The following CSRP2 variants were observed in gnomAD, a reference collection of about 807,000 sequenced individuals.
The protein encoded by CSRP2 is cysteine and glycine rich protein 2, also known as cysteine and glycine-rich protein 2.
Under a neutral mutation model 24.6 loss-of-function variants are expected in CSRP2, and 18 were observed. The ratio of observed to expected loss-of-function variants is 0.73; its 90% CI spans 0.51 to 1.09. CSRP2 has a LOEUF of 1.09. Ranked by LOEUF, CSRP2 falls within the 50% of genes least tolerant of loss-of-function variation. CSRP2 has a pLI of 0.00. For missense variants in CSRP2, 215 were observed against 239.4 expected, an observed-to-expected ratio of 0.90 and a Z score of 0.67; for synonymous variants, 87 against 84.3, an observed-to-expected ratio of 1.03 and a Z score of -0.18.
chr12:76,871,493 G>A (rs778044724), intron 1 of CSRP2, among the ~76,000 whole-genome samples: 15 of 152,296 alleles, frequency 9.8e-5, no homozygotes, highest in South Asian at 2.1e-4. Flanking sequence ...AGTTCAAGCC[G>A]GATGCGGTGG....
intron 2 of CSRP2, among the ~76,000 whole-genome samples, chr12:76,865,428 A>G (rs1463218894): frequency 1.3e-5 from 2 of 152,168 alleles, no homozygotes; most frequent in African/African-American, 4.8e-5. Flanking sequence ...GTTGTCTGCA[A>G]AGCAGTTTAG....
intron 1 of CSRP2, among the ~76,000 whole-genome samples, chr12:76,867,332 T>TAAA (rs33997080): frequency 1.0e-5 from 1 of 100,162 alleles, no homozygotes; most frequent in Non-Finnish European, 1.9e-5. Flanking sequence ...CTGCTAAATT[T>TAAA]AAAAAAAAAA....
chr12:76,876,557 A>C (rs1283562022), intron 1 of CSRP2, among the ~76,000 whole-genome samples: 1 of 152,170 alleles, frequency 6.6e-6, no homozygotes, highest in Admixed American at 6.5e-5. Flanking sequence ...CGTCATTTTG[A>C]GAAGGGGTCT....
At chr12:76,862,666 GT>G (rs1953694075) in intron 3 of CSRP2, 2 of 1,112,886 alleles carry the variant, frequency 1.8e-6, no homozygotes, top group South Asian at 5.8e-5. Flanking sequence ...AGCCTTTAAA[GT>G]TTAACACTAC....
intron 2 of CSRP2, chr12:76,863,569 G>A (rs943252267): frequency 2.3e-6 from 1 of 444,164 alleles, no homozygotes; most frequent in African/African-American, 2.0e-5. Context: ...CTTCAGAAAT[G>A]TATCAGAATA....
rs76524464 is a variant in CSRP2, at chr12:76,866,841, G to C, written c.-1-580C>G. On this transcript the variant is annotated intron_variant, in intron 1 of 5. Coordinates refer to ENST00000311083, the MANE Select transcript of CSRP2 (RefSeq NM_001321.3). ...TTACACGATTGTAGCATAAATAGCTGTGTCTGTGACTCGTACAACTGCATG... is the reference window on the plus strand; with the variant it reads ...TTACACGATTGTAGCATAAATAGCTCTGTCTGTGACTCGTACAACTGCATG... Among the ~76,000 whole-genome samples the C allele has an allele frequency of 1.5e-3, 228 of 152,280 alleles. 2 individuals carry two copies. The highest frequency in any genetic ancestry group is 5.3e-3 in the African/African-American group (220 of 41,540).
chr12:76,863,659 T>G (rs748894395), intron 2 of CSRP2: 5 of 213,262 alleles, frequency 2.3e-5, no homozygotes, highest in Non-Finnish European at 4.6e-5. Flanking sequence ...CTGATCAAAC[T>G]CTTACTATGA....
chr12:76,875,876 A>G (rs1953847407), intron 1 of CSRP2, among the ~76,000 whole-genome samples: 1 of 152,208 alleles, frequency 6.6e-6, no homozygotes, highest in African/African-American at 2.4e-5. Flanking sequence ...ATGAGTGGGG[A>G]AACTGAGGCA....
chr12:76,866,709 TAAC>T (rs1407726487), intron 1 of CSRP2, among the ~76,000 whole-genome samples: 4 of 152,240 alleles, frequency 2.6e-5, no homozygotes, highest in Non-Finnish European at 5.9e-5. Flanking sequence ...TAATTAATTG[TAAC>T]AACACTAAAT....
chr12:76,878,338 G>A (rs1953872341), intron 1 of CSRP2: 1 of 152,326 alleles, frequency 6.6e-6, no homozygotes. Flanking sequence ...TCAACATAGA[G>A]GGGTTCGGTG....
At chr12:76,873,557 A>G (rs751953653) in intron 1 of CSRP2, among the ~76,000 whole-genome samples, 4 of 152,198 alleles carry the variant, frequency 2.6e-5, no homozygotes, top group African/African-American at 4.8e-5. Flanking sequence ...TCAGTTCAGC[A>G]TAAGGGCAAA....
At chr12:76,862,968 C>G (rs984263293) in intron 3 of CSRP2, 3 of 1,469,838 alleles carry the variant, frequency 2.0e-6, no homozygotes, top group Non-Finnish European at 1.8e-6. Flanking sequence ...TGCTATAAAG[C>G]CAGAAGTAGA....
At chr12:76,862,729 T>A in intron 3 of CSRP2, 1 of 1,308,806 alleles carries the variant, frequency 7.6e-7, no homozygotes, top group South Asian at 2.3e-5. Flanking sequence ...AGTAAAAAAT[T>A]TTAAGTTAGA....
chr12:76,877,272 C>A (rs1953861891), intron 1 of CSRP2, among the ~76,000 whole-genome samples: 1 of 152,234 alleles, frequency 6.6e-6, no homozygotes, highest in Non-Finnish European at 1.5e-5. Flanking sequence ...GGATAAAATT[C>A]AATCTCCCCC....
chr12:76,858,874 A>T lies in CSRP2; in HGVS notation c.*78T>A. ...CTTAATGCTGGTAGAATTTCACAGT[A>T]GTTTAGTGTTAAAGATTATCTGTGC... is the stretch of plus-strand genomic sequence containing the variant. On this transcript the variant is annotated 3_prime_UTR_variant, in exon 6 of 6. Transcript: ENST00000311083. 2 of 1,279,852 alleles carry T rather than the reference A, an allele frequency of 1.6e-6. No individual in the cohort carries two copies. Among genetic ancestry groups the T allele is most frequent in the Non-Finnish European group, 2.3e-6 (2 of 879,096 alleles). 79.3% of individuals were successfully genotyped at this position (1,279,852 alleles called of 1,614,324 possible). A position where few individuals can be genotyped will look rare whatever the true frequency, so the allele number is the denominator to read the frequency against.
At chr12:76,860,212 T>A in intron 4 of CSRP2, 72 bp downstream of exon 4, 2 of 1,477,004 alleles carry the variant, frequency 1.4e-6, no homozygotes, top group South Asian at 2.7e-5. Context: ...AAGCAAGGAA[T>A]GTGGAAGGGT....
chr12:76,872,769 C>G (rs1325696406), intron 1 of CSRP2, among the ~76,000 whole-genome samples: 1 of 152,194 alleles, frequency 6.6e-6, no homozygotes, highest in Non-Finnish European at 1.5e-5. Context: ...TTGGAGCCCC[C>G]CTCCCTGTGT....
chr12:76,876,611 C>T (rs1174856844), intron 1 of CSRP2, among the ~76,000 whole-genome samples: 2 of 152,104 alleles, frequency 1.3e-5, no homozygotes, highest in Non-Finnish European at 2.9e-5. Context: ...TCAGAAACCC[C>T]ACCTAGGTAA....
chr12:76,861,372 T>C (rs1400850414), intron 3 of CSRP2: 1 of 148,686 alleles, frequency 6.7e-6, no homozygotes, highest in South Asian at 2.1e-4. Context: ...ATATATTTTT[T>C]TTTTTTTTTA....
Sources: allele counts gnomAD v4.1 joint callset (sites outside exome capture counted in the v4.1 genomes callset), GRCh38; gene constraint gnomAD v4.1.1; transcripts MANE v1.5; gene names NCBI Gene and HGNC (gene_info 2026-07-23, HGNC 2026-07-21).